NEK4: variants seen among roughly 807,000 people sequenced by gnomAD.
NEK4 encodes the protein NIMA related kinase 4.
A neutral mutation model predicts 98.4 loss-of-function variants in NEK4; 86 were observed. The observed-to-expected ratio is 0.87, with a 90% CI of 0.73 to 1.05. NEK4 has a LOEUF of 1.05. Among genes scored for constraint, NEK4 ranks in the 50% least tolerant of loss-of-function variants. The pLI is 0.00. For missense variants in NEK4, 898 were observed against 950.3 expected (o/e 0.94, Z 0.72); for synonymous variants, 328 against 342.2 (o/e 0.96, Z 0.46).
intron 6 of NEK4, among the ~76,000 whole-genome samples, chr3:52,759,468 T>C (rs1448219943): frequency 1.3e-5 from 2 of 151,600 alleles, no homozygotes; most frequent in Non-Finnish European, 2.9e-5. Flanking sequence ...CCAACAAGCA[T>C]GTGAAAAGAT....
At chr3:52,746,329 CATT>C in intron 9 of NEK4, 119 bp from the exon 10 acceptor site, 1 of 951,626 alleles carries the variant, frequency 1.1e-6, no homozygotes, top group Non-Finnish European at 1.5e-6. Context: ...CAAAACATTG[CATT>C]TTTTTGGAAA....
In NEK4 at chr3:52,711,849, C is replaced by G; in HGVS notation, c.2454G>C (p.Met818Ile). The G allele has an allele frequency of 2.5e-6, 4 of 1,605,764 alleles. No individual in the cohort carries two copies. The South Asian group carries it at 4.4e-5, about 18-fold the overall frequency. ...CACTGTAAGTTGTATACTTTTCACC[C>G]ATGTGCTCCCGCAAACGTACCTATT... Reference protein sequence around the residue: ...FDREVRLREHMGEKYTTYSVK... With the variant: ...FDREVRLREHIGEKYTTYSVK... The change falls in exon 16 of 16, where the codon ATG becomes ATC. Residue 818 changes from methionine to isoleucine, a missense_variant. Transcript: ENST00000233027.
At position 52,770,792 on chromosome 3, in the gene NEK4, T is replaced by C. The variant is rs755595521; in HGVS notation, c.-46A>G. 3 of 1,504,820 alleles carry C rather than the reference T, an allele frequency of 2.0e-6. No individual in the cohort carries two copies. Among genetic ancestry groups the C allele is most frequent in the South Asian group, 2.4e-5 (2 of 83,110 alleles). The allele number at this position is 1,504,820 out of a possible 1,614,324, so 93.2% of individuals were successfully genotyped here. On this transcript the variant is annotated 5_prime_UTR_variant, in exon 1 of 16. Transcript: ENST00000233027. The stretch of plus-strand genomic sequence containing the variant: ...GTCGGGATGCGGCGGCAGCGGCGGG[T>C]AGGGCAGCGGGCGGCAACAAGAAGC...
intron 15 of NEK4, among the ~76,000 whole-genome samples, chr3:52,735,173 AAAGG>A (rs751807543): frequency 5.8e-4 from 88 of 152,246 alleles, no homozygotes; most frequent in Non-Finnish European, 8.8e-4. Context: ...TTCTGAATAC[AAAGG>A]AAGTGTCAAA....
intron 2 of NEK4, among the ~76,000 whole-genome samples, chr3:52,767,739 G>C (rs963708630): frequency 2.0e-5 from 3 of 151,442 alleles, no homozygotes; most frequent in Non-Finnish European, 4.4e-5. Context: ...AAAAAAAAGA[G>C]AGAAAGTATC....
At chr3:52,720,728 G>A (rs2097359323) in intron 15 of NEK4, among the ~76,000 whole-genome samples, 1 of 152,228 alleles carries the variant, frequency 6.6e-6, no homozygotes, top group African/African-American at 2.4e-5. Flanking sequence ...AGCAGAGAAT[G>A]TGTGGCTAGC....
chr3:52,733,167 C>T, intron 15 of NEK4: 1 of 194,954 alleles, frequency 5.1e-6, no homozygotes. Flanking sequence ...TACTAATCAT[C>T]AAGTAATCCA....
At position 52,711,850 on chromosome 3, in the gene NEK4, A is replaced by G; in HGVS notation, c.2453T>C (p.Met818Thr). The change falls in exon 16 of 16, where the codon ATG becomes ACG. Residue 818 changes from methionine (M) to threonine (T), a missense_variant. Met to Thr is a moderately conservative substitution (Grantham distance 81). Coordinates refer to ENST00000233027, the MANE Select transcript of NEK4 (RefSeq NM_003157.6). ...ACTGTAAGTTGTATACTTTTCACCC[A>G]TGTGCTCCCGCAAACGTACCTATTT... ...FDREVRLREH[M>T]GEKYTTYSVK... is the part of the protein sequence containing the mutation. 1.2e-6 allele frequency: 2 copies of G among 1,605,666 alleles called. No individual in the cohort carries two copies. The highest frequency in any genetic ancestry group is 1.1e-5 in the South Asian group (1 of 89,992).
chr3:52,767,096 C>A (rs895089008), intron 2 of NEK4, among the ~76,000 whole-genome samples: 2 of 151,970 alleles, frequency 1.3e-5, no homozygotes, highest in Non-Finnish European at 2.9e-5. Flanking sequence ...CCAGCCTGGG[C>A]AACATGGCAA....
chr3:52,766,476 T>C (rs1168599095), intron 2 of NEK4, 101 bp from the exon 3 acceptor site: 6 of 821,490 alleles, frequency 7.3e-6, no homozygotes, highest in Non-Finnish European at 7.8e-6. Flanking sequence ...GTTAGAGTCT[T>C]TGACCGTAAA....
intron 2 of NEK4, among the ~76,000 whole-genome samples, chr3:52,767,023 G>A (rs1698592364): frequency 6.6e-6 from 1 of 151,982 alleles, no homozygotes; most frequent in African/African-American, 2.4e-5. Flanking sequence ...TACAGGCCAG[G>A]CGCAGTGTTC....
chr3:52,737,535 T>G, intron 15 of NEK4, 51 bp downstream of exon 15: 2 of 1,594,956 alleles, frequency 1.3e-6, no homozygotes, highest in Non-Finnish European at 1.7e-6. Context: ...AAAAGGTTGT[T>G]TAAAAAATTC....
intron 6 of NEK4, 30 bp from the exon 7 acceptor site, chr3:52,752,366 T>C (rs2097406807): frequency 6.3e-7 from 1 of 1,592,986 alleles, no homozygotes; most frequent in Admixed American, 1.8e-5. Flanking sequence ...GAAATTATTA[T>C]AGCACTCCTC....
At chr3:52,750,358 G>T (rs1054825577) in intron 7 of NEK4, among the ~76,000 whole-genome samples, 1 of 152,034 alleles carries the variant, frequency 6.6e-6, no homozygotes, top group Non-Finnish European at 1.5e-5. Flanking sequence ...GACCAGTCTG[G>T]CCAACATGGT....
At chr3:52,757,573 GAAAA>G (rs1324732847) in intron 6 of NEK4, among the ~76,000 whole-genome samples, 1 of 145,622 alleles carries the variant, frequency 6.9e-6, no homozygotes, top group African/African-American at 2.5e-5. Flanking sequence ...AAAAAAAAAA[GAAAA>G]AAGAAATCAG....
At chr3:52,745,478 C>T (rs2097394437) in intron 10 of NEK4, among the ~76,000 whole-genome samples, 1 of 151,774 alleles carries the variant, frequency 6.6e-6, no homozygotes, top group Non-Finnish European at 1.5e-5. Context: ...ACTCAGGAGG[C>T]TGAGGCAGGA....
At position 52,747,900 on chromosome 3, in the gene NEK4, A is replaced by C. The variant is rs114732353; in HGVS notation, c.1507-996T>G. On this transcript the variant is annotated intron_variant, in intron 8 of 15. Transcript: ENST00000233027. Reference sequence around the variant, plus strand: ...GTCAAGGCTACCATGAGCTGTGATCATGCCACTGTCCTCTAGCCTGGGTGA... The same window carrying C: ...GTCAAGGCTACCATGAGCTGTGATCCTGCCACTGTCCTCTAGCCTGGGTGA... Among the ~76,000 whole-genome samples the C allele has an allele frequency of 5.3e-3, 809 of 152,158 alleles. 8 individuals are homozygous for C. The highest frequency in any genetic ancestry group is 0.019 in the African/African-American group (777 of 41,538).
intron 14 of NEK4, among the ~76,000 whole-genome samples, chr3:52,739,138 AC>A (rs1406153064): frequency 6.6e-6 from 1 of 152,150 alleles, no homozygotes; most frequent in African/African-American, 2.4e-5. Flanking sequence ...GGTGGCTCAC[AC>A]CTGTAATCCC....
At chr3:52,739,901 A>ACTG (rs2097382966) in intron 13 of NEK4, among the ~76,000 whole-genome samples, 1 of 152,202 alleles carries the variant, frequency 6.6e-6, no homozygotes, top group Non-Finnish European at 1.5e-5. Flanking sequence ...AGCAGGCCAT[A>ACTG]GGCAGATCAA....
Sources: allele counts gnomAD v4.1 joint callset (sites outside exome capture counted in the v4.1 genomes callset), GRCh38; gene constraint gnomAD v4.1.1; transcripts MANE v1.5; gene names NCBI Gene and HGNC (gene_info 2026-07-23, HGNC 2026-07-21).